Variants in OLAH observed in about 807,000 individuals in gnomAD.
OLAH encodes oleoyl-ACP hydrolase.
Under a neutral mutation model 27.8 loss-of-function variants are expected in OLAH, and 33 were observed. That is an observed-to-expected ratio of 1.19 (90% CI 0.90 to 1.59). OLAH has a LOEUF of 1.59. OLAH is among the 40% of genes most tolerant of loss of function. The pLI is 0.00. For synonymous variants in OLAH, 120 were observed against 102.9 expected (o/e 1.17, Z -1.01); for missense variants, 359 against 310.8 (o/e 1.16, Z -1.17).
chr10:15,062,424 A>T (rs1206647907), intron 4 of OLAH, among the ~76,000 whole-genome samples: 1 of 152,092 alleles, frequency 6.6e-6, no homozygotes, highest in Admixed American at 6.5e-5. Flanking sequence ...AGTATCCATC[A>T]TCCTACTACC....
At chr10:15,043,514 G>C (rs911757388), upstream of OLAH, among the ~76,000 whole-genome samples, 35 of 109,050 alleles carry the variant, frequency 3.2e-4, no homozygotes, top group Non-Finnish European at 1.1e-4. Flanking sequence ...TTTTGCTTTT[G>C]TTGCCCTGGA....
intron 1 of OLAH, among the ~76,000 whole-genome samples, chr10:15,034,065 G>C (rs1020762340): frequency 6.6e-6 from 1 of 151,864 alleles, no homozygotes. Flanking sequence ...AAAGAGGTGG[G>C]GGAAGGAACC....
At chr10:15,052,361 A>G (rs1236755027) in intron 3 of OLAH, among the ~76,000 whole-genome samples, 1 of 152,216 alleles carries the variant, frequency 6.6e-6, no homozygotes, top group Non-Finnish European at 1.5e-5. Flanking sequence ...TAGATTCTTC[A>G]GGCAGACTCA....
At chr10:15,069,841 G>A (rs1056195262) in intron 6 of OLAH, among the ~76,000 whole-genome samples, 4 of 152,070 alleles carry the variant, frequency 2.6e-5, no homozygotes, top group African/African-American at 7.2e-5. Flanking sequence ...ACTCAAGCCC[G>A]GGCAATAGAG....
rs770229944 is a variant in OLAH, at chr10:15,061,753, A to G, written c.193A>G (p.Ser65Gly). 6.2e-7 allele frequency: 1 copy of G among 1,613,210 alleles called. No individual in the cohort carries two copies. Among genetic ancestry groups the G allele is most frequent in the South Asian group, 1.1e-5 (1 of 90,904 alleles). ...CTCCTTAAGGCTTCCTGGAAGAGAA[A>G]GCAGAGTTGAAGAACCTCTTGAAAA... is the stretch of plus-strand genomic sequence containing the variant. ...VHSLRLPGRE[S>G]RVEEPLENDI... The change falls in exon 4 of 8, where the codon AGC becomes GGC. Residue 65 changes from serine to glycine, a missense_variant. Transcript: ENST00000378228.
upstream of OLAH, among the ~76,000 whole-genome samples, chr10:15,040,603 T>C (rs11259447): frequency 0.32 from 48,701 of 151,776 alleles, 8,130 homozygotes; most frequent in East Asian, 0.49. Flanking sequence ...CACTTCCCTT[T>C]CCCCCGTCCT....
At chr10:15,043,477 CT>C (rs35687747), upstream of OLAH, among the ~76,000 whole-genome samples, 43,357 of 133,306 alleles carry the variant, frequency 0.33, 6,574 homozygotes, top group East Asian at 0.43. Flanking sequence ...TTCTCTTCTT[CT>C]TTTTTTTTTT....
intron 2 of OLAH, 45 bp downstream of exon 2, chr10:15,047,365 G>T (rs771908752): frequency 2.3e-5 from 37 of 1,589,372 alleles, no homozygotes; most frequent in Middle Eastern, 1.7e-4. Flanking sequence ...CATCCCAGGG[G>T]CTCCGATACC....
intron 3 of OLAH, 21 bp downstream of exon 3, chr10:15,049,786 A>T: frequency 6.3e-7 from 1 of 1,595,580 alleles, no homozygotes; most frequent in Non-Finnish European, 8.5e-7. Flanking sequence ...TTTTAACATC[A>T]TTTAAGCAAT....
chr10:15,058,014 C>T (rs1170421240), intron 3 of OLAH, among the ~76,000 whole-genome samples: 1 of 152,166 alleles, frequency 6.6e-6, no homozygotes, highest in Non-Finnish European at 1.5e-5. Context: ...TTTGCATTTC[C>T]ATACAGCTTT....
At chr10:15,051,267 G>A (rs12242130) in intron 3 of OLAH, among the ~76,000 whole-genome samples, 16,627 of 151,856 alleles carry the variant, frequency 0.11, 1,327 homozygotes, top group African/African-American at 0.21. Flanking sequence ...GTAGAGACGA[G>A]GTTTCATAGT....
chr10:15,059,801 T>G (rs2131365003), intron 3 of OLAH, among the ~76,000 whole-genome samples: 1 of 152,230 alleles, frequency 6.6e-6, no homozygotes, highest in East Asian at 1.9e-4. Context: ...GCAAGACTCC[T>G]TCTCAAAAAA....
At chr10:15,070,137 C>A (rs2131380150) in intron 6 of OLAH, among the ~76,000 whole-genome samples, 1 of 128,236 alleles carries the variant, frequency 7.8e-6, no homozygotes, top group East Asian at 2.3e-4. Flanking sequence ...CATGATGCTG[C>A]AGTTTCTCTG....
chr10:15,037,252 A>G (rs1589234152), intron 1 of OLAH, among the ~76,000 whole-genome samples: 2 of 152,296 alleles, frequency 1.3e-5, no homozygotes, highest in East Asian at 3.9e-4. Flanking sequence ...CATACAGAAC[A>G]GTTTTTAATA....
chr10:15,065,657 T>G lies in OLAH; in HGVS notation c.476T>G (p.Phe159Cys). The G allele has an allele frequency of 6.2e-7, 1 of 1,614,166 alleles. No individual in the cohort carries two copies. The highest frequency in any genetic ancestry group is 1.6e-4 in the Middle Eastern group (1 of 6,062). Residue 159 changes from phenylalanine to cysteine, a missense_variant, in exon 6 of 8, where the codon TTT becomes TGT. Coordinates refer to ENST00000378228, the MANE Select transcript of OLAH (RefSeq NM_001039702.3). ...EEQISHYLME[F>C]GGTPKHFAEA... is the part of the protein sequence containing the mutation. ...CAAATAAGTCATTACCTTATGGAATTTGGAGGCACCCCCAAGCATTTTGCT... is the reference window on the plus strand; with the variant it reads ...CAAATAAGTCATTACCTTATGGAATGTGGAGGCACCCCCAAGCATTTTGCT...
At chr10:15,060,368 C>T (rs1002686987) in intron 3 of OLAH, among the ~76,000 whole-genome samples, 1 of 152,064 alleles carries the variant, frequency 6.6e-6, no homozygotes, top group African/African-American at 2.4e-5. Context: ...TGGGGTTTCA[C>T]CCTGTTGGCC....
intron 1 of OLAH, 43 bp from the exon 2 acceptor site, chr10:15,047,083 G>T: frequency 8.8e-6 from 4 of 452,048 alleles, no homozygotes; most frequent in African/African-American, 2.0e-5. Context: ...TCTCTTCTCT[G>T]TCTTCTCCTT....
At chr10:15,042,981 C>A (rs1479757994), upstream of OLAH, among the ~76,000 whole-genome samples, 2 of 151,048 alleles carry the variant, frequency 1.3e-5, no homozygotes, top group Non-Finnish European at 1.5e-5. Context: ...CTGGCTCAGC[C>A]TCCCGAGTAG....
chr10:15,056,936 G>A (rs374137996), intron 3 of OLAH: 193 of 1,502,494 alleles, frequency 1.3e-4, no homozygotes, highest in African/African-American at 8.0e-4. Context: ...GTGAGCCACC[G>A]TGCCTGGCCA....
Sources: gnomAD v4.1 joint callset for allele counts (sites outside exome capture counted in the v4.1 genomes callset) on GRCh38, gnomAD v4.1.1 for gene constraint, MANE v1.5 for transcripts, NCBI Gene and HGNC (gene_info 2026-07-23, HGNC 2026-07-21) for gene names.